XCR1: variants seen among roughly 807,000 people sequenced by gnomAD.
The protein encoded by XCR1 is X-C motif chemokine receptor 1, also known as chemokine XC receptor 1.
For missense variants in XCR1, 356 were observed against 424.2 expected (o/e 0.84, Z 1.41); for synonymous variants, 187 against 188.5 (o/e 0.99, Z 0.06).
At chr3:46,025,517 A>C (rs1559480735) in intron 1 of XCR1, among the ~76,000 whole-genome samples, 1 of 152,250 alleles carries the variant, frequency 6.6e-6, no homozygotes, top group Non-Finnish European at 1.5e-5. Flanking sequence ...TAGACTTTAC[A>C]AGAATAACAA....
intron 4 of XCR1, among the ~76,000 whole-genome samples, chr3:46,062,228 C>T (rs1697975906): frequency 6.6e-6 from 1 of 152,084 alleles, no homozygotes; most frequent in African/African-American, 2.4e-5. Flanking sequence ...GATGTGAGTC[C>T]CTGCAGCAGC....
intron 4 of XCR1, among the ~76,000 whole-genome samples, chr3:46,055,146 T>A (rs896268677): frequency 6.6e-6 from 1 of 152,198 alleles, no homozygotes; most frequent in African/African-American, 2.4e-5. Context: ...GAAATACATA[T>A]AATGAAGCAT....
intron 5 of XCR1, among the ~76,000 whole-genome samples, chr3:46,033,029 T>C (rs569618792): frequency 1.3e-5 from 2 of 152,352 alleles, no homozygotes; most frequent in African/African-American, 4.8e-5. Context: ...ATATAAGTCC[T>C]ATATCCAAAA....
At chr3:46,069,234 G>GA (rs1015960090) in intron 3 of XCR1, among the ~76,000 whole-genome samples, 1 of 149,474 alleles carries the variant, frequency 6.7e-6, no homozygotes, top group Non-Finnish European at 1.5e-5. Flanking sequence ...AAAGTAAGTA[G>GA]AAAAAAAGGA....
intron 1 of XCR1, chr3:46,023,832 G>A: frequency 1.3e-6 from 2 of 1,526,302 alleles, no homozygotes; most frequent in Non-Finnish European, 1.8e-6. Flanking sequence ...CAGATTTGAA[G>A]AGACGTGTGG....
At chr3:46,084,070 G>A (rs943672776) in intron 1 of XCR1, among the ~76,000 whole-genome samples, 8 of 152,112 alleles carry the variant, frequency 5.3e-5, no homozygotes, top group African/African-American at 1.7e-4. Flanking sequence ...AGAGACTGGC[G>A]ATGATGGAGC....
intron 4 of XCR1, among the ~76,000 whole-genome samples, chr3:46,061,421 G>T (rs1204248701): frequency 6.6e-6 from 1 of 152,172 alleles, no homozygotes; most frequent in Non-Finnish European, 1.5e-5. Context: ...GAATCTGTTG[G>T]GAGATGACAG....
intron 4 of XCR1, among the ~76,000 whole-genome samples, chr3:46,057,882 G>GTCTATCTATCTATCTATCTA (rs147836844): frequency 7.4e-5 from 10 of 134,878 alleles, no homozygotes; most frequent in South Asian, 4.7e-4. Flanking sequence ...TTATCTGTCT[G>GTCTATCTATCTATCTATCTA]TCTATCTATC....
chr3:46,045,817 A>G (rs1174108188), intron 5 of XCR1, among the ~76,000 whole-genome samples: 1 of 152,210 alleles, frequency 6.6e-6, no homozygotes, highest in African/African-American at 2.4e-5. Context: ...GAGATTTCTT[A>G]AAGAACCAAA....
intron 4 of XCR1, among the ~76,000 whole-genome samples, chr3:46,064,038 A>C (rs748368249): frequency 5.3e-5 from 8 of 152,028 alleles, no homozygotes; most frequent in Non-Finnish European, 8.8e-5. Context: ...ATGCCAGGAT[A>C]ATTTTTTTAT....
intron 5 of XCR1, among the ~76,000 whole-genome samples, chr3:46,046,735 A>T (rs1419768573): frequency 7.9e-5 from 12 of 152,236 alleles, no homozygotes. Flanking sequence ...TAAGATGTTA[A>T]TGTGGTGCTT....
chr3:46,029,488 G>A (rs1171671174), upstream of XCR1, among the ~76,000 whole-genome samples: 3 of 152,120 alleles, frequency 2.0e-5, no homozygotes, highest in East Asian at 5.8e-4. Flanking sequence ...TTTTTGACAA[G>A]GGTCAAAAAT....
intron 5 of XCR1, among the ~76,000 whole-genome samples, chr3:46,035,944 G>C (rs534205426): frequency 1.3e-5 from 2 of 152,204 alleles, no homozygotes; most frequent in African/African-American, 4.8e-5. Flanking sequence ...TTTGTTTGCA[G>C]GTTGATTAAG....
chr3:46,043,430 G>C (rs914216196), intron 5 of XCR1, among the ~76,000 whole-genome samples: 1 of 152,038 alleles, frequency 6.6e-6, no homozygotes, highest in Non-Finnish European at 1.5e-5. Context: ...AACAGAGCGA[G>C]ACCCCATCTC....
intron 3 of XCR1, among the ~76,000 whole-genome samples, chr3:46,070,651 A>G (rs1461416103): frequency 6.6e-6 from 1 of 151,878 alleles, no homozygotes; most frequent in Non-Finnish European, 1.5e-5. Context: ...CTTTCAGTAT[A>G]TATGTGTCTA....
upstream of XCR1, among the ~76,000 whole-genome samples, chr3:46,030,667 T>TACCATCATGCCAGCTGCA (rs1708378417): frequency 2.0e-5 from 3 of 152,308 alleles, no homozygotes; most frequent in African/African-American, 7.2e-5. Context: ...GAGCAGCTGC[T>TACCATCATGCCAGCTGCA]ACCATCATGC....
intron 2 of XCR1, among the ~76,000 whole-genome samples, chr3:46,074,866 C>G (rs1698231560): frequency 1.3e-5 from 2 of 152,098 alleles, no homozygotes; most frequent in South Asian, 4.1e-4. Context: ...ACACATAAAA[C>G]TTGTCAACTT....
intron 5 of XCR1, among the ~76,000 whole-genome samples, chr3:46,047,380 T>G (rs553357654): frequency 6.6e-6 from 1 of 152,328 alleles, no homozygotes; most frequent in African/African-American, 2.4e-5. Context: ...GTAGAGATAC[T>G]ACGTGTTTGC....
chr3:46,030,874 C>T (rs567767298), upstream of XCR1, among the ~76,000 whole-genome samples: 48 of 152,386 alleles, frequency 3.1e-4, no homozygotes, highest in African/African-American at 1.2e-3. Context: ...TCAACTCATT[C>T]CCTGCCGTGT....
Sources: allele counts gnomAD v4.1 joint callset (sites outside exome capture counted in the v4.1 genomes callset), GRCh38; gene constraint gnomAD v4.1.1; transcripts MANE v1.5; gene names NCBI Gene and HGNC (gene_info 2026-07-23, HGNC 2026-07-21).